The following TBC1D32 variants were observed in gnomAD, a reference collection of about 807,000 sequenced individuals.
TBC1D32 encodes TBC1 domain family member 32, also known as protein broad-minded.
Under a neutral mutation model 170.3 loss-of-function variants are expected in TBC1D32, and 151 were observed. The observed-to-expected ratio is 0.89, with a 90% CI of 0.78 to 1.01. The LOEUF (loss-of-function observed/expected upper bound fraction) is 1.01, where lower values mean the gene tolerates loss of function less well. TBC1D32 is among the 50% of genes least tolerant of loss of function. The pLI is 0.00. For synonymous variants in TBC1D32, 498 were observed against 488.0 expected, an observed-to-expected ratio of 1.02 and a Z score of -0.27; for missense variants, 1,464 against 1,457.1, an observed-to-expected ratio of 1.00 and a Z score of -0.08.
chr6:121,110,386 C>T (rs1380745566), intron 29 of TBC1D32, among the ~76,000 whole-genome samples: 1 of 151,654 alleles, frequency 6.6e-6, no homozygotes, highest in East Asian at 1.9e-4. Flanking sequence ...TTTCAAAGGA[C>T]TTTCATTAAG....
chr6:121,184,988 T>C (rs1788993096), intron 22 of TBC1D32, among the ~76,000 whole-genome samples: 2 of 152,072 alleles, frequency 1.3e-5, no homozygotes, highest in African/African-American at 2.4e-5. Context: ...TCAACCTGTA[T>C]GTATTCTCAG....
At chr6:121,150,355 C>T (rs567802938) in intron 24 of TBC1D32, among the ~76,000 whole-genome samples, 8 of 152,184 alleles carry the variant, frequency 5.3e-5, no homozygotes, top group South Asian at 4.1e-4. Flanking sequence ...GGGATGAAGC[C>T]GACTTGATTG....
chr6:121,150,454 C>T (rs1247097122), intron 24 of TBC1D32, among the ~76,000 whole-genome samples: 1 of 152,004 alleles, frequency 6.6e-6, no homozygotes, highest in Non-Finnish European at 1.5e-5. Flanking sequence ...AGGATATTGG[C>T]CTGAAATTTT....
At chr6:121,238,473 C>T (rs994892352) in intron 20 of TBC1D32, among the ~76,000 whole-genome samples, 2 of 152,062 alleles carry the variant, frequency 1.3e-5, no homozygotes, top group Non-Finnish European at 2.9e-5. Flanking sequence ...AATCTTATGA[C>T]ATCTTTTGAA....
At chr6:121,256,674 TTTTTTTTTTC>T (rs1319113362) in intron 15 of TBC1D32, among the ~76,000 whole-genome samples, 7 of 140,198 alleles carry the variant, frequency 5.0e-5, no homozygotes, top group African/African-American at 1.9e-4. Flanking sequence ...GCTGAGAAAC[TTTTTTTTTTC>T]TTTTTTTTTT....
chr6:121,178,696 C>T (rs188901524), intron 22 of TBC1D32, among the ~76,000 whole-genome samples: 1 of 152,236 alleles, frequency 6.6e-6, no homozygotes, highest in African/African-American at 2.4e-5. Flanking sequence ...ATAGGTGATA[C>T]AATGGATGTG....
At chr6:121,092,440 AAC>A in intron 30 of TBC1D32, among the ~76,000 whole-genome samples, 1 of 151,832 alleles carries the variant, frequency 6.6e-6, no homozygotes, top group African/African-American at 2.4e-5. Flanking sequence ...TTTTTCTAAA[AAC>A]ATATTCTTGA....
chr6:121,200,306 A>C (rs1791377505), intron 22 of TBC1D32, among the ~76,000 whole-genome samples: 1 of 151,482 alleles, frequency 6.6e-6, no homozygotes, highest in South Asian at 2.1e-4. Context: ...GTTAAAAAAA[A>C]AGCTGCAATT....
rs1583661676 is a variant in TBC1D32 at position 121,304,612 on chromosome 6, C to T, written c.783G>A (p.Glu261=). The T allele has an allele frequency of 6.2e-7, 1 of 1,603,568 alleles. No individual in the cohort carries two copies. ...GATTTTCCCTAGAAAGAAAGTATGA[C>T]TCCAAATACTTAGCTGAAAAAAAAG... is the stretch of plus-strand genomic sequence containing the variant. ...EIYTSLAKYL[E]SYFLSRENHI... Residue 261 remains glutamate, a synonymous_variant, in exon 7 of 32, where the codon GAG becomes GAA. Transcript: ENST00000398212.
chr6:121,276,254 G>A (rs1317794368), intron 15 of TBC1D32, among the ~76,000 whole-genome samples: 1 of 152,040 alleles, frequency 6.6e-6, no homozygotes, highest in Non-Finnish European at 1.5e-5. Context: ...ACGATATAAG[G>A]GACAGAAGGG....
intron 2 of TBC1D32, among the ~76,000 whole-genome samples, chr6:121,319,146 C>T (rs920094806): frequency 6.6e-6 from 1 of 151,068 alleles, no homozygotes; most frequent in Non-Finnish European, 1.5e-5. Context: ...TCTTTAAGTA[C>T]CAGAAATTAC....
chr6:121,255,891 T>C (rs957018713), intron 16 of TBC1D32, among the ~76,000 whole-genome samples, 193 bp downstream of exon 16: 4 of 152,150 alleles, frequency 2.6e-5, no homozygotes, highest in Non-Finnish European at 4.4e-5. Context: ...TAGAACTTTG[T>C]CCCACTGGGA....
chr6:121,267,145 G>A (rs1381554647), intron 15 of TBC1D32, among the ~76,000 whole-genome samples: 3 of 149,490 alleles, frequency 2.0e-5, no homozygotes, highest in Admixed American at 6.6e-5. Context: ...AAAAAAGGTC[G>A]GGGGGAGGTT....
intron 17 of TBC1D32, among the ~76,000 whole-genome samples, chr6:121,251,641 A>G (rs9482126): frequency 0.012 from 1,805 of 152,302 alleles, 48 homozygotes; most frequent in African/African-American, 0.042. Context: ...GGACATAGGC[A>G]TGGGCAAAAA....
chr6:121,300,812 G>C (rs1806352607), intron 9 of TBC1D32, among the ~76,000 whole-genome samples: 2 of 152,058 alleles, frequency 1.3e-5, no homozygotes, highest in South Asian at 2.1e-4. Flanking sequence ...CTAATATCCA[G>C]AATCTACAAA....
chr6:121,225,522 G>C (rs1215422936), intron 20 of TBC1D32, among the ~76,000 whole-genome samples: 1 of 151,854 alleles, frequency 6.6e-6, no homozygotes, highest in African/African-American at 2.4e-5. Flanking sequence ...AGTATATTGA[G>C]CATTTTTGTA....
intron 22 of TBC1D32, among the ~76,000 whole-genome samples, chr6:121,178,255 A>G (rs1788035356): frequency 6.6e-6 from 1 of 152,142 alleles, no homozygotes; most frequent in Non-Finnish European, 1.5e-5. Flanking sequence ...AGAGAGCCAA[A>G]CCACATCAGT....
Position 121,256,114 on chromosome 6 carries a change from C to A in TBC1D32, c.1905G>T (p.Leu635Phe), listed in dbSNP as rs1480802693. 1.9e-6 allele frequency: 3 copies of A among 1,612,778 alleles called. No homozygotes were observed. Among genetic ancestry groups the A allele is most frequent in the Non-Finnish European group, 2.5e-6 (3 of 1,179,752 alleles). Residue 635 changes from leucine to phenylalanine, a missense_variant, in exon 16 of 32, where the codon TTG (leucine) becomes TTT (phenylalanine). Physicochemically the swap from Leu to Phe is conservative, Grantham distance 22 (BLOSUM62 0). This residue lies in a region of TBC1D32 where 1,363 missense variants were observed against 1,338.1 expected (regional missense o/e 1.02). Transcript: ENST00000398212. ...TCCATGCCTTTGCTATAGATTCATGCAAATTATAAGTGATTAACACCTGCA... is the reference window on the plus strand; with the variant it reads ...TCCATGCCTTTGCTATAGATTCATGAAAATTATAAGTGATTAACACCTGCA... ...EGLQVLITYN[L>F]HESIAKAWKK...
intron 15 of TBC1D32, among the ~76,000 whole-genome samples, chr6:121,266,590 C>A (rs1288368073): frequency 6.6e-6 from 1 of 152,048 alleles, no homozygotes; most frequent in East Asian, 1.9e-4. Context: ...ATAAATCATT[C>A]TATTATAAAG....
Sources: allele counts gnomAD v4.1 joint callset (sites outside exome capture counted in the v4.1 genomes callset), GRCh38; gene constraint gnomAD v4.1.1; regional missense constraint gnomAD v4.1.1; transcripts MANE v1.5; gene names NCBI Gene and HGNC (gene_info 2026-07-23, HGNC 2026-07-21).